VWDE: variants seen among roughly 807,000 people sequenced by gnomAD.
VWDE encodes von Willebrand factor D and EGF domains.
In VWDE, 207 loss-of-function variants were observed where a neutral mutation model predicts 178.4. The observed-to-expected ratio is 1.16, with a 90% CI of 1.04 to 1.30. The LOEUF is 1.30. Among genes scored for constraint, VWDE ranks in the 50% most tolerant of loss-of-function variants. The pLI is 0.00. For missense variants in VWDE, 2,287 were observed against 1,901.3 expected (o/e 1.20, Z -3.77); for synonymous variants, 738 against 651.4 (o/e 1.13, Z -2.02).
At chr7:12,389,067 AT>A in intron 3 of VWDE, 59 bp downstream of exon 3, 1 of 1,127,054 alleles carries the variant, frequency 8.9e-7, no homozygotes, top group Non-Finnish European at 1.3e-6. Context: ...TATCCAGAGA[AT>A]GGTACGAATG....
chr7:12,358,646 A>C (rs528615825), intron 16 of VWDE, among the ~76,000 whole-genome samples: 2 of 152,232 alleles, frequency 1.3e-5, no homozygotes, highest in East Asian at 3.9e-4. Flanking sequence ...TAACTTATTG[A>C]TCTTAATTTC....
rs1243205786 is a variant in VWDE, at chr7:12,336,198, T to C, written c.4597A>G (p.Ile1533Val). Residue 1533 changes from isoleucine to valine, a missense_variant, in exon 27 of 29, where the codon ATT (isoleucine) becomes GTT (valine). Physicochemically the swap from Ile to Val is conservative, Grantham distance 29. Transcript: ENST00000275358. ...LQKCKNGGEC[I>V]APSICHCPSS... Reference sequence around the variant, plus strand: ...GGACAATGGCATATGCTGGGCGCAATGCATTCACCACCGTTTTTACATTTC... The same window carrying C: ...GGACAATGGCATATGCTGGGCGCAACGCATTCACCACCGTTTTTACATTTC... 3 of 1,551,456 alleles carry C rather than the reference T, an allele frequency of 1.9e-6. No individual in the cohort carries two copies. The East Asian group carries it at 7.3e-5, about 38-fold the overall frequency.
In VWDE at chr7:12,331,155, G is replaced by A. The variant is rs1459955007; in HGVS notation, c.*28C>T. 34 of 1,528,824 alleles carry A rather than the reference G, an allele frequency of 2.2e-5. No homozygotes were observed. The highest frequency in any genetic ancestry group is 2.9e-5 in the Non-Finnish European group (33 of 1,133,114). 94.7% of individuals were successfully genotyped at this position (1,528,824 alleles called of 1,614,324 possible). On this transcript the variant is annotated 3_prime_UTR_variant, in exon 29 of 29. Transcript: ENST00000275358. ...AAAATATTTCCATTCTTAAGATACA[G>A]GCTTGTAATTCATATACTTGATGCT...
chr7:12,367,757 A>G (rs1284068288), intron 12 of VWDE, among the ~76,000 whole-genome samples: 1 of 152,148 alleles, frequency 6.6e-6, no homozygotes, highest in Non-Finnish European at 1.5e-5. Flanking sequence ...ATAATATTTT[A>G]TATCAATTAA....
At chr7:12,348,802 A>G (rs963803402) in intron 19 of VWDE, among the ~76,000 whole-genome samples, 5 of 151,292 alleles carry the variant, frequency 3.3e-5, no homozygotes, top group Non-Finnish European at 7.4e-5. Context: ...CATTATTCAC[A>G]ATAGCAAAGA....
chr7:12,359,642 A>AT lies in VWDE; in HGVS notation c.3209dup (p.Asn1070LysfsTer10). On this transcript the variant is annotated frameshift_variant, in exon 16 of 29. Transcript: ENST00000275358. LOFTEE classifies it high-confidence loss of function. ...TACAAATCAAACAAGGGCTGGTTGG[A>AT]TTTTTGTCTCCTTCAACATAGCAGA... 1 of 1,550,528 alleles carries AT rather than the reference A, an allele frequency of 6.4e-7. No individual in the cohort carries two copies. The highest frequency in any genetic ancestry group is 8.7e-7 in the Non-Finnish European group (1 of 1,146,340).
chr7:12,364,191 T>C (rs189296170), intron 13 of VWDE, among the ~76,000 whole-genome samples: 2 of 152,172 alleles, frequency 1.3e-5, no homozygotes, highest in African/African-American at 4.8e-5. Context: ...GACAGATAGA[T>C]AAACCGATAG....
At chr7:12,374,860 ATT>A in intron 8 of VWDE, 98 bp from the exon 9 acceptor site, 1 of 1,141,134 alleles carries the variant, frequency 8.8e-7, no homozygotes, top group Non-Finnish European at 1.2e-6. Context: ...TCAATTAATT[ATT>A]GTTTTTATCA....
At chr7:12,378,220 C>A (rs58059818) in intron 6 of VWDE, among the ~76,000 whole-genome samples, 1 of 152,026 alleles carries the variant, frequency 6.6e-6, no homozygotes, top group African/African-American at 2.4e-5. Flanking sequence ...CACTGGAAAG[C>A]GAAGAAGAAA....
Position 12,367,235 on chromosome 7 carries a change from G to C in VWDE, c.2898+122C>G, listed in dbSNP as rs529720291. Reference sequence around the variant, plus strand: ...TGTAACTTAATCATTTTCCTGTTCAGCTCTCTAGATATAATATCGTTTGGA... The same window carrying C: ...TGTAACTTAATCATTTTCCTGTTCACCTCTCTAGATATAATATCGTTTGGA... On this transcript the variant is annotated intron_variant, in intron 13 of 28. Coordinates refer to ENST00000275358, the MANE Select transcript of VWDE (RefSeq NM_001135924.3). 1.3e-4 allele frequency: 89 copies of C among 687,320 alleles called. No homozygotes were observed. The African/African-American group carries it at 1.6e-3, about 12-fold the overall frequency. The allele number at this position is 687,320 out of a possible 1,614,324, so 42.6% of individuals were successfully genotyped here.
intron 12 of VWDE, 30 bp from the exon 13 acceptor site, chr7:12,367,523 A>C (rs1302981519): frequency 2.1e-6 from 3 of 1,435,968 alleles, no homozygotes; most frequent in Non-Finnish European, 2.8e-6. Flanking sequence ...CAAATACTAC[A>C]TATTTTACTT....
At chr7:12,401,362 G>A (rs1461317479) in intron 1 of VWDE, among the ~76,000 whole-genome samples, 2 of 151,980 alleles carry the variant, frequency 1.3e-5, no homozygotes, top group Non-Finnish European at 2.9e-5. Context: ...TTATTTCCAC[G>A]ACCCACAGAA....
chr7:12,355,154 G>C (rs907368283), intron 18 of VWDE, among the ~76,000 whole-genome samples: 4 of 152,040 alleles, frequency 2.6e-5, no homozygotes, highest in African/African-American at 9.7e-5. Context: ...GAAGAGGTCA[G>C]ACCTGTAATC....
chr7:12,380,521 C>A lies in VWDE; in HGVS notation c.754G>T (p.Glu252Ter), dbSNP rs1366479261. ...AGTCTGAGATTTATGCCATCAAGTT[C>A]TAAAAGAGAGAATGCCTGAACTGTG... is the stretch of plus-strand genomic sequence containing the variant. The part of the protein sequence containing the change: ...ETTVQAFSLL[E>*]LDGINLRLGD... The change falls in exon 5 of 29, where the codon GAA becomes TAA. Residue 252 changes from glutamate (E) to a stop codon, truncating the protein, a stop_gained. Transcript: ENST00000275358. LOFTEE classifies it high-confidence loss of function. The A allele has an allele frequency of 1.9e-6, 3 of 1,551,664 alleles. No individual in the cohort carries two copies. The highest frequency in any genetic ancestry group is 2.6e-6 in the Non-Finnish European group (3 of 1,147,028).
chr7:12,377,719 A>T (rs1203493173), intron 7 of VWDE, 57 bp downstream of exon 7: 1 of 1,178,000 alleles, frequency 8.5e-7, no homozygotes, highest in Non-Finnish European at 1.1e-6. Flanking sequence ...CCTACAGGAA[A>T]AAAAAGCATT....
In VWDE at chr7:12,361,264, A is replaced by G; in HGVS notation, c.3055-13T>C. On this transcript the variant is annotated splice_polypyrimidine_tract_variant and intron_variant, in intron 14 of 28. Coordinates refer to ENST00000275358, the MANE Select transcript of VWDE (RefSeq NM_001135924.3). Reference sequence around the variant, plus strand: ...CATCATTAGATACCTGTAACATAATAGTTCTATAATAAGATGATTTGTTCT... The same window carrying G: ...CATCATTAGATACCTGTAACATAATGGTTCTATAATAAGATGATTTGTTCT... 1 of 1,536,902 alleles carries G rather than the reference A, an allele frequency of 6.5e-7. No homozygotes were observed. Among genetic ancestry groups the G allele is most frequent in the Non-Finnish European group, 8.8e-7 (1 of 1,136,196 alleles).
intron 28 of VWDE, 64 bp downstream of exon 28, chr7:12,333,395 AATTACT>A: frequency 1.1e-6 from 1 of 869,744 alleles, no homozygotes; most frequent in South Asian, 2.2e-5. Context: ...AATTAGTAAC[AATTACT>A]AAGTAGAAGA....
rs1283374554 is a variant in VWDE, at chr7:12,340,224, G to A, written c.4366+98C>T. The A allele has an allele frequency of 1.8e-5, 16 of 905,928 alleles. No individual in the cohort carries two copies. The South Asian group carries it at 2.6e-4, about 15-fold the overall frequency. The allele number at this position is 905,928 out of a possible 1,614,324, so 56.1% of individuals were successfully genotyped here. ...TCGCAAGAATTCTGGGGAAAAAATC[G>A]CATCTTTCCCTTTGAAACTTGTCTC... On this transcript the variant is annotated intron_variant, in intron 24 of 28. Transcript: ENST00000275358.
chr7:12,336,175 A>C lies in VWDE; in HGVS notation c.4620T>G (p.Cys1540Trp). The change falls in exon 27 of 29, where the codon TGT becomes TGG. Residue 1540 changes from cysteine (C) to tryptophan (W), a missense_variant. By Grantham distance (215) the Cys-to-Trp change is radical. Coordinates refer to ENST00000275358, the MANE Select transcript of VWDE (RefSeq NM_001135924.3). ...GECIAPSICH[C>W]PSSWEGVRCQ... ...ACCGCACTCCTTCCCAGGAGGAAGGACAATGGCATATGCTGGGCGCAATGC... is the reference window on the plus strand; with the variant it reads ...ACCGCACTCCTTCCCAGGAGGAAGGCCAATGGCATATGCTGGGCGCAATGC... The C allele has an allele frequency of 6.4e-7, 1 of 1,551,476 alleles. No homozygotes were observed. Among genetic ancestry groups the C allele is most frequent in the Non-Finnish European group, 8.7e-7 (1 of 1,146,912 alleles).
Sources: allele counts gnomAD v4.1 joint callset (sites outside exome capture counted in the v4.1 genomes callset), GRCh38; gene constraint gnomAD v4.1.1; transcripts MANE v1.5; gene names NCBI Gene and HGNC (gene_info 2026-07-23, HGNC 2026-07-21).